Variants in FBXW10B observed in about 807,000 individuals in gnomAD.
FBXW10B encodes F-box and WD repeat domain containing protein 10B.
chr17:15,565,964 C>T, the FBXW10B span: 108 of 1,459,130 alleles, frequency 7.4e-5, 4 homozygotes, highest in South Asian at 1.2e-3. Flanking sequence ...ATCATGGGCT[C>T]GGGTATGGTG....
At chr17:15,611,223 T>C in the FBXW10B span, among the ~76,000 whole-genome samples, 1 of 151,924 alleles carries the variant, frequency 6.6e-6, no homozygotes. Flanking sequence ...AGGGTTTCAC[T>C]ATGTTGGCCA....
chr17:15,619,430 T>G, the FBXW10B span: 1 of 1,613,978 alleles, frequency 6.2e-7, no homozygotes, highest in Non-Finnish European at 8.5e-7. Context: ...CGTCTCACAC[T>G]TCCGGCATAG....
At chr17:15,591,917 C>T in the FBXW10B span, among the ~76,000 whole-genome samples, 1 of 152,124 alleles carries the variant, frequency 6.6e-6, no homozygotes, top group Non-Finnish European at 1.5e-5. Context: ...TCTAACTTCT[C>T]TGATCCCCAC....
chr17:15,584,714 T>A, the FBXW10B span, among the ~76,000 whole-genome samples: 220 of 152,278 alleles, frequency 1.4e-3, 2 homozygotes, highest in East Asian at 0.038. Context: ...TAGCTTCATT[T>A]TCGTTTGCAT....
chr17:15,578,254 G>A, the FBXW10B span, among the ~76,000 whole-genome samples: 1 of 150,794 alleles, frequency 6.6e-6, no homozygotes, highest in Non-Finnish European at 1.5e-5. Flanking sequence ...GTCTGCATTT[G>A]TAAACATGGT....
chr17:15,601,803 A>G, the FBXW10B span, among the ~76,000 whole-genome samples: 2 of 152,172 alleles, frequency 1.3e-5, no homozygotes, highest in Non-Finnish European at 2.9e-5. Context: ...CTTATATACT[A>G]TAGCTGTTAC....
the FBXW10B span, among the ~76,000 whole-genome samples, chr17:15,586,306 A>C: frequency 1.3e-5 from 2 of 151,538 alleles, no homozygotes; most frequent in Non-Finnish European, 2.9e-5. Flanking sequence ...TTGGGGGGGC[A>C]TTGTCCCCAT....
At chr17:15,615,827 A>G in the FBXW10B span, 6 of 1,613,858 alleles carry the variant, frequency 3.7e-6, no homozygotes, top group East Asian at 1.3e-4. Flanking sequence ...ACAGAAGACC[A>G]AGACAAGGTT....
chr17:15,565,763 C>A, the FBXW10B span: 5 of 1,613,906 alleles, frequency 3.1e-6, no homozygotes, highest in Middle Eastern at 4.9e-4. Flanking sequence ...CTAAAAGGAT[C>A]AAGGGCTGTA....
the FBXW10B span, among the ~76,000 whole-genome samples, chr17:15,608,731 C>T: frequency 6.6e-6 from 1 of 152,180 alleles, no homozygotes; most frequent in African/African-American, 2.4e-5. Context: ...TGGGATTACA[C>T]GTGTGAGCCA....
At chr17:15,618,182 T>C in the FBXW10B span, among the ~76,000 whole-genome samples, 1 of 151,766 alleles carries the variant, frequency 6.6e-6, no homozygotes, top group Admixed American at 6.6e-5. Flanking sequence ...TACAAAAAAA[T>C]TAGGACATGG....
At chr17:15,591,715 T>C in the FBXW10B span, among the ~76,000 whole-genome samples, 1 of 144,454 alleles carries the variant, frequency 6.9e-6, no homozygotes, top group Non-Finnish European at 1.5e-5. Flanking sequence ...TTTGTTTGTT[T>C]GTTTGAAGCA....
the FBXW10B span, among the ~76,000 whole-genome samples, chr17:15,595,424 C>T: frequency 5.3e-5 from 8 of 152,092 alleles, no homozygotes; most frequent in Non-Finnish European, 1.2e-4. Flanking sequence ...AGCTCTCTCT[C>T]GGGTTAAGGA....
the FBXW10B span, chr17:15,594,866 C>A: frequency 6.2e-7 from 1 of 1,613,274 alleles, no homozygotes; most frequent in Non-Finnish European, 8.5e-7. Context: ...AGGCATTTCA[C>A]AGCTCCCTCG....
At chr17:15,567,397 ATTTGTC>A in the FBXW10B span, among the ~76,000 whole-genome samples, 1 of 152,012 alleles carries the variant, frequency 6.6e-6, no homozygotes, top group Non-Finnish European at 1.5e-5. Flanking sequence ...TTGTTTATTA[ATTTGTC>A]TTTTTTCAAA....
At chr17:15,569,382 G>A in the FBXW10B span, among the ~76,000 whole-genome samples, 1 of 149,282 alleles carries the variant, frequency 6.7e-6, no homozygotes, top group Non-Finnish European at 1.5e-5. Flanking sequence ...TTCCTCTGAT[G>A]ATTAGTGATG....
At chr17:15,594,307 C>G in the FBXW10B span, among the ~76,000 whole-genome samples, 1 of 151,736 alleles carries the variant, frequency 6.6e-6, no homozygotes, top group African/African-American at 2.4e-5. Context: ...CCCGTCTCTA[C>G]TAAAAATACA....
chr17:15,594,558 C>T, the FBXW10B span: 251 of 776,718 alleles, frequency 3.2e-4, 1 homozygote, highest in Admixed American at 5.8e-4. Flanking sequence ...GTGGAAGAGG[C>T]TAACAGTCAG....
the FBXW10B span, among the ~76,000 whole-genome samples, chr17:15,587,801 C>T: frequency 9.2e-5 from 14 of 152,060 alleles, no homozygotes; most frequent in Admixed American, 9.2e-4. Context: ...AACCAGAGCA[C>T]CCTAGAAGCT....
Sources: allele counts gnomAD v4.1 joint callset (sites outside exome capture counted in the v4.1 genomes callset), GRCh38; gene constraint gnomAD v4.1.1; transcripts MANE v1.5; gene names NCBI Gene and HGNC (gene_info 2026-07-23, HGNC 2026-07-21).